Variants in AFF1 observed in about 807,000 individuals in gnomAD.
The protein encoded by AFF1 is AF4/FMR2 family member 1.
In AFF1, 48 loss-of-function variants were observed where a neutral mutation model predicts 121.7. That is an observed-to-expected ratio of 0.39 (90% CI 0.31 to 0.50). The LOEUF (loss-of-function observed/expected upper bound fraction) is 0.50. Ranked by LOEUF, AFF1 falls within the 20% of genes least tolerant of loss-of-function variation. AFF1 has a pLI of 0.76. For missense variants in AFF1, 1,523 were observed against 1,511.7 expected, an observed-to-expected ratio of 1.01 and a Z score of -0.12; for synonymous variants, 613 against 563.0, an observed-to-expected ratio of 1.09 and a Z score of -1.26.
chr4:87,022,582 A>ATATATATC (rs1316133807), intron 2 of AFF1, among the ~76,000 whole-genome samples: 2 of 88,598 alleles, frequency 2.3e-5, no homozygotes, highest in Admixed American at 2.4e-4. Context: ...ATATATATAT[A>ATATATATC]TCTATCTATA....
intron 2 of AFF1, among the ~76,000 whole-genome samples, chr4:87,012,565 G>A (rs940531413): frequency 3.9e-5 from 6 of 152,088 alleles, no homozygotes; most frequent in African/African-American, 1.4e-4. Flanking sequence ...TAAAAACTGG[G>A]GGAGCTGAAG....
At chr4:87,098,603 T>C (rs1725108231) in intron 8 of AFF1, among the ~76,000 whole-genome samples, 1 of 152,256 alleles carries the variant, frequency 6.6e-6, no homozygotes, top group Non-Finnish European at 1.5e-5. Flanking sequence ...AAAAGCAATT[T>C]ATTTGTATAT....
chr4:86,987,020 T>G (rs1008890031), intron 2 of AFF1, among the ~76,000 whole-genome samples: 1 of 152,032 alleles, frequency 6.6e-6, no homozygotes, highest in Non-Finnish European at 1.5e-5. Flanking sequence ...TTCATATTAT[T>G]TTTTGTAGAG....
At chr4:87,056,089 T>G (rs776587466) in intron 4 of AFF1, among the ~76,000 whole-genome samples, 1 of 151,620 alleles carries the variant, frequency 6.6e-6, no homozygotes, top group Non-Finnish European at 1.5e-5. Flanking sequence ...CTCTCTGCAT[T>G]TTTTTTTTCC....
chr4:87,093,695 G>A (rs1226724331), intron 7 of AFF1, among the ~76,000 whole-genome samples: 1 of 152,152 alleles, frequency 6.6e-6, no homozygotes, highest in Non-Finnish European at 1.5e-5. Context: ...ACAGAGGGGA[G>A]GCCATTTGAA....
At chr4:87,019,883 T>TG (rs1578076022) in intron 2 of AFF1, among the ~76,000 whole-genome samples, 2 of 1,180 alleles carry the variant, frequency 1.7e-3, no homozygotes, top group East Asian at 0.062. Flanking sequence ...TCTGAAGGGG[T>TG]CGGGGGGGGG....
At chr4:87,117,124 A>G (rs1280030273) in intron 12 of AFF1, among the ~76,000 whole-genome samples, 5 of 152,180 alleles carry the variant, frequency 3.3e-5, no homozygotes, top group Non-Finnish European at 7.3e-5. Context: ...CAGAGAGCTC[A>G]GTCCAGTTCA....
At position 87,088,718 on chromosome 4, in the gene AFF1, C is replaced by T. The variant is rs1723985817; in HGVS notation, c.1105-1266C>T. On this transcript the variant is annotated intron_variant, in intron 5 of 20. Coordinates refer to ENST00000395146, the MANE Select transcript of AFF1 (RefSeq NM_001166693.3). ...CTGCCAGGTTCAAGCCATTCTCCTG[C>T]CAAGTAGCTGGGATTACAGGCATGT... 3.3e-5 allele frequency among the ~76,000 whole-genome samples: 5 copies of T among 152,060 alleles called. No homozygotes were observed. The South Asian group carries it at 1.0e-3, about 32-fold the overall frequency.
In AFF1 at chr4:87,004,479, A is replaced by G. The variant is rs145756088; in HGVS notation, c.39-41687A>G. Among the ~76,000 whole-genome samples the G allele has an allele frequency of 6.6e-5, 10 of 152,346 alleles. No homozygotes were observed. The East Asian group carries it at 1.5e-3, about 23-fold the overall frequency. On this transcript the variant is annotated intron_variant, in intron 2 of 20. Transcript: ENST00000395146. ...TTCCAAAATTAAAAAAATTATTGAGAAAGAATGGCATTATTTTACATTCAT... is the reference window on the plus strand; with the variant it reads ...TTCCAAAATTAAAAAAATTATTGAGGAAGAATGGCATTATTTTACATTCAT...
chr4:87,070,655 C>A (rs1001489942), intron 4 of AFF1, among the ~76,000 whole-genome samples: 2 of 152,204 alleles, frequency 1.3e-5, no homozygotes, highest in Non-Finnish European at 2.9e-5. Context: ...CAATTTAAGT[C>A]AAATTTAAAA....
Position 87,137,574 on chromosome 4 carries a change from G to GT in AFF1, c.*1874dup, listed in dbSNP as rs1276864139. On this transcript the variant is annotated 3_prime_UTR_variant, in exon 21 of 21. Transcript: ENST00000395146. ...TCATATCTGAGCATAAGACCTTGAT[G>GT]TGTGATTCCTGATGACCGGTTTCAT... 1 of 230,802 alleles carries GT rather than the reference G, an allele frequency of 4.3e-6. No homozygotes were observed. Among genetic ancestry groups the GT allele is most frequent in the Non-Finnish European group, 8.6e-6 (1 of 116,624 alleles). The allele number at this position is 230,802 out of a possible 1,614,324, so 14.3% of individuals were successfully genotyped here. A position where few individuals can be genotyped will look rare whatever the true frequency, so the allele number is the denominator to read the frequency against.
chr4:87,140,147 G>A lies in AFF1; in HGVS notation c.*4446G>A. The A allele has an allele frequency of 4.9e-6, 1 of 202,968 alleles. No individual in the cohort carries two copies. Among genetic ancestry groups the A allele is most frequent in the East Asian group, 7.4e-5 (1 of 13,466 alleles). The allele number at this position is 202,968 out of a possible 1,614,324, so 12.6% of individuals were successfully genotyped here. On this transcript the variant is annotated 3_prime_UTR_variant, in exon 21 of 21. Transcript: ENST00000395146. ...GGACAAGGGAATAAGACCACTCATA[G>A]TGAGGCTGGCCAAGCTGCACTGGTC...
Position 87,115,425 on chromosome 4 carries a change from T to C in AFF1, c.2466+126T>C, listed in dbSNP as rs1275077555. On this transcript the variant is annotated intron_variant, in intron 12 of 20. Transcript: ENST00000395146. ...CTCACAAGTCTTTGCTTTGATTCGC[T>C]GTAGCCTTTGCATCTTCTTCCAGCA... 4.9e-6 allele frequency: 5 copies of C among 1,013,516 alleles called. No individual in the cohort carries two copies. The Admixed American group carries it at 8.7e-5, about 18-fold the overall frequency. 62.8% of individuals were successfully genotyped at this position (1,013,516 alleles called of 1,614,324 possible). A position where few individuals can be genotyped will look rare whatever the true frequency, so the allele number is the denominator to read the frequency against.
intron 2 of AFF1, among the ~76,000 whole-genome samples, chr4:87,022,582 ATC>A (rs58303396): frequency 0.017 from 1,475 of 88,264 alleles, 77 homozygotes; most frequent in East Asian, 0.039. Flanking sequence ...ATATATATAT[ATC>A]TATCTATATC....
intron 4 of AFF1, among the ~76,000 whole-genome samples, chr4:87,060,965 T>G (rs1255410448): frequency 2.0e-5 from 3 of 151,738 alleles, no homozygotes; most frequent in Admixed American, 6.6e-5. Flanking sequence ...GGTCTTGCAC[T>G]AAAGGATAAA....
intron 11 of AFF1, among the ~76,000 whole-genome samples, chr4:87,111,012 A>ATTTTTTTATTTTTTTTTTTTTTTTTTT (rs1726457420): frequency 3.4e-5 from 1 of 29,278 alleles, no homozygotes; most frequent in Admixed American, 5.3e-4. Flanking sequence ...TTTTTTTTTT[A>ATTTTTTTATTTTTTTTTTTTTTTTTTT]TTTTTTTTTT....
At chr4:87,101,499 C>A (rs1413752435) in intron 8 of AFF1, among the ~76,000 whole-genome samples, 1 of 152,008 alleles carries the variant, frequency 6.6e-6, no homozygotes, top group South Asian at 2.1e-4. Context: ...GTCACTTGAA[C>A]CTGGACGGCG....
At chr4:87,058,195 G>A (rs1720351063) in intron 4 of AFF1, among the ~76,000 whole-genome samples, 1 of 152,104 alleles carries the variant, frequency 6.6e-6, no homozygotes, top group South Asian at 2.1e-4. Context: ...TGGCAGAGAT[G>A]GAGACATGAA....
chr4:87,013,058 T>TTTTTTTG (rs1726958868), intron 2 of AFF1, among the ~76,000 whole-genome samples: 1 of 71,620 alleles, frequency 1.4e-5, no homozygotes, highest in African/African-American at 3.5e-5. Flanking sequence ...TTTTTTTTTT[T>TTTTTTTG]GGGAGACGGA....
Sources: allele counts gnomAD v4.1 joint callset (sites outside exome capture counted in the v4.1 genomes callset), GRCh38; gene constraint gnomAD v4.1.1; transcripts MANE v1.5; gene names NCBI Gene and HGNC (gene_info 2026-07-23, HGNC 2026-07-21).